COL25A1: variants seen among roughly 807,000 people sequenced by gnomAD.
The protein encoded by COL25A1 is collagen type XXV alpha 1 chain, also known as collagen alpha-1(XXV) chain.
COL25A1 carries 103 observed loss-of-function variants against 128.4 expected under a neutral mutation model. The observed-to-expected ratio is 0.80, with a 90% confidence interval of 0.68 to 0.94. The LOEUF (loss-of-function observed/expected upper bound fraction) is 0.94. COL25A1 is among the 40% of genes least tolerant of loss of function. The pLI is 0.00. For missense variants in COL25A1, 745 were observed against 840.0 expected (o/e 0.89, Z 1.40); for synonymous variants, 279 against 277.2 (o/e 1.01, Z -0.06).
intron 3 of COL25A1, among the ~76,000 whole-genome samples, chr4:109,212,682 A>G (rs911653770): frequency 1.3e-5 from 2 of 152,186 alleles, no homozygotes; most frequent in Admixed American, 1.3e-4. Flanking sequence ...AGGAAGGGGG[A>G]AAAGTAGTAC....
intron 3 of COL25A1, among the ~76,000 whole-genome samples, chr4:109,163,417 T>C (rs1772769286): frequency 6.6e-6 from 1 of 152,184 alleles, no homozygotes. Context: ...CAGAGTTTTT[T>C]GGCCTATATG....
At chr4:108,919,959 A>T (rs562598069) in intron 12 of COL25A1, among the ~76,000 whole-genome samples, 1 of 152,158 alleles carries the variant, frequency 6.6e-6, no homozygotes, top group South Asian at 2.1e-4. Flanking sequence ...ATGGGGTTTC[A>T]CCATGTTGGT....
intron 3 of COL25A1, 113 bp downstream of exon 3, chr4:109,300,470 T>C (rs1725402226): frequency 1.5e-6 from 1 of 682,140 alleles, no homozygotes; most frequent in African/African-American, 1.8e-5. Context: ...TTAAAGCAAG[T>C]TGGGTCTGCA....
chr4:108,963,507 A>G (rs1334964401), intron 8 of COL25A1, among the ~76,000 whole-genome samples: 1 of 152,080 alleles, frequency 6.6e-6, no homozygotes, highest in African/African-American at 2.4e-5. Context: ...AAAGTCATCA[A>G]CCCCAAATCG....
intron 3 of COL25A1, among the ~76,000 whole-genome samples, chr4:109,271,675 C>A (rs1039153676): frequency 6.6e-6 from 1 of 152,182 alleles, no homozygotes; most frequent in African/African-American, 2.4e-5. Flanking sequence ...CAGCATCTTT[C>A]CAGGGAGTTC....
intron 3 of COL25A1, among the ~76,000 whole-genome samples, chr4:109,157,792 T>C (rs1450053737): frequency 1.3e-5 from 2 of 152,242 alleles, no homozygotes; most frequent in Non-Finnish European, 2.9e-5. Context: ...TCCCTGCTTA[T>C]GCCCAGGGGA....
chr4:108,824,522 T>C (rs1732142843), intron 34 of COL25A1, among the ~76,000 whole-genome samples: 1 of 152,198 alleles, frequency 6.6e-6, no homozygotes, highest in Non-Finnish European at 1.5e-5. Context: ...TTTGGGCAAA[T>C]CACTTACCTC....
chr4:109,103,941 T>G (rs1766152369), intron 3 of COL25A1, among the ~76,000 whole-genome samples: 1 of 152,334 alleles, frequency 6.6e-6, no homozygotes, highest in South Asian at 2.1e-4. Flanking sequence ...AGAAAAAGAC[T>G]TAAATGGGAA....
Position 108,974,375 on chromosome 4 carries a change from C to T in COL25A1, c.484G>A (p.Gly162Arg). The stretch of plus-strand genomic sequence containing the variant: ...GGTAGAGCACAACTTACCCTAGGTC[C>T]CTGATCACCTTGTTCTCCCTGTAGA... ...KGDKGEQGDQGPRMVFPKINH... is the reference protein window; with the variant it reads ...KGDKGEQGDQRPRMVFPKINH... Residue 162 changes from glycine to arginine, a missense_variant, in exon 8 of 38, where the codon GGA becomes AGA. This residue lies in a region of COL25A1 where 319 missense variants were observed against 324.9 expected (regional missense o/e 0.98). Transcript: ENST00000399132. The T allele has an allele frequency of 3.7e-6, 6 of 1,613,884 alleles. No homozygotes were observed. Among genetic ancestry groups the T allele is most frequent in the Non-Finnish European group, 3.4e-6 (4 of 1,179,900 alleles).
chr4:109,090,992 T>C (rs190938022), intron 3 of COL25A1, among the ~76,000 whole-genome samples: 12 of 152,276 alleles, frequency 7.9e-5, no homozygotes, highest in African/African-American at 2.9e-4. Flanking sequence ...ACATTAAATG[T>C]CCTGGTTTCC....
intron 3 of COL25A1, among the ~76,000 whole-genome samples, chr4:109,298,665 G>A (rs141192575): frequency 4.5e-4 from 68 of 152,276 alleles, no homozygotes; most frequent in African/African-American, 1.6e-3. Context: ...TATTTTCAAC[G>A]TAATGTCCTT....
At chr4:109,039,852 T>C (rs1476598792) in intron 5 of COL25A1, among the ~76,000 whole-genome samples, 9 of 152,204 alleles carry the variant, frequency 5.9e-5, no homozygotes, top group Admixed American at 5.9e-4. Flanking sequence ...GTCTCTAAAT[T>C]CTATATTCCA....
intron 3 of COL25A1, among the ~76,000 whole-genome samples, chr4:109,275,689 G>A (rs1022157356): frequency 3.9e-5 from 6 of 152,132 alleles, no homozygotes; most frequent in African/African-American, 1.4e-4. Flanking sequence ...CTTTCTCCAA[G>A]AAATATTCAT....
chr4:109,179,787 A>C, intron 3 of COL25A1, among the ~76,000 whole-genome samples: 1 of 152,186 alleles, frequency 6.6e-6, no homozygotes, highest in East Asian at 1.9e-4. Context: ...TTTTAAGTAG[A>C]GGTTTAGAGA....
rs557251219 is a variant in COL25A1, at chr4:108,819,673, A to G, written c.1846-344T>C. The G allele has an allele frequency of 9.2e-6, 4 of 435,286 alleles. No individual in the cohort carries two copies. In the South Asian group the frequency reaches 4.0e-4, roughly 43 times the overall value. The allele number at this position is 435,286 out of a possible 1,614,324, so 27.0% of individuals were successfully genotyped here. ...GTGGAACGTATCAGGATAACTGATA[A>G]ATGTTTCTGGGTATCTTGAAGTCCA... On this transcript the variant is annotated intron_variant, in intron 35 of 37. Transcript: ENST00000399132.
intron 3 of COL25A1, among the ~76,000 whole-genome samples, chr4:109,081,552 T>G (rs1256305443): frequency 6.6e-6 from 1 of 152,162 alleles, no homozygotes; most frequent in African/African-American, 2.4e-5. Flanking sequence ...TGATAATTAG[T>G]ATATTCATAG....
intron 5 of COL25A1, among the ~76,000 whole-genome samples, chr4:109,032,109 T>C (rs994243239): frequency 6.6e-6 from 1 of 152,116 alleles, no homozygotes; most frequent in African/African-American, 2.4e-5. Context: ...GGTACCATTA[T>C]CCACCCCATT....
At chr4:109,258,825 G>A (rs984371490) in intron 3 of COL25A1, among the ~76,000 whole-genome samples, 1 of 151,918 alleles carries the variant, frequency 6.6e-6, no homozygotes, top group Non-Finnish European at 1.5e-5. Flanking sequence ...TATATCTAAA[G>A]GATCCTCTCA....
intron 3 of COL25A1, among the ~76,000 whole-genome samples, chr4:109,157,003 C>T (rs756620690): frequency 1.6e-4 from 24 of 152,064 alleles, no homozygotes; most frequent in Admixed American, 3.3e-4. Flanking sequence ...CTCAGCTTGA[C>T]AAAAGGAAAA....
Sources: gnomAD v4.1 joint callset for allele counts (sites outside exome capture counted in the v4.1 genomes callset) on GRCh38, gnomAD v4.1.1 for gene constraint, gnomAD v4.1.1 regional missense constraint, MANE v1.5 for transcripts, NCBI Gene and HGNC (gene_info 2026-07-23, HGNC 2026-07-21) for gene names.